Variants in BLM observed in about 807,000 individuals in gnomAD.
BLM encodes the protein recQ-like DNA helicase BLM.
In BLM, 95 loss-of-function variants were observed where a neutral mutation model predicts 135.3. The ratio of observed to expected loss-of-function variants is 0.70; its 90% CI spans 0.59 to 0.83. The LOEUF (loss-of-function observed/expected upper bound fraction) is 0.83, where lower values mean the gene tolerates loss of function less well. Ranked by LOEUF, BLM falls within the 40% of genes least tolerant of loss-of-function variation. The pLI, the probability that BLM is intolerant of heterozygous loss-of-function variation, is 0.00. For synonymous variants in BLM, 520 were observed against 589.2 expected (o/e 0.88, Z 1.70); for missense variants, 1,518 against 1,663.9 (o/e 0.91, Z 1.53).
At chr15:90,732,562 G>A (rs1353478648) in intron 1 of BLM, among the ~76,000 whole-genome samples, 1 of 145,314 alleles carries the variant, frequency 6.9e-6, no homozygotes, top group South Asian at 2.2e-4. Context: ...GAAAATTAAC[G>A]AAATGAAAAC....
At chr15:90,727,387 G>T (rs2151130072) in intron 1 of BLM, among the ~76,000 whole-genome samples, 1 of 152,164 alleles carries the variant, frequency 6.6e-6, no homozygotes, top group East Asian at 1.9e-4. Context: ...ATATTTCATA[G>T]ATATAACTTG....
intron 1 of BLM, among the ~76,000 whole-genome samples, chr15:90,724,150 C>A (rs914246347): frequency 1.3e-5 from 2 of 151,902 alleles, no homozygotes; most frequent in African/African-American, 4.8e-5. Context: ...GAAGGTGAGA[C>A]TACAGGAGTG....
intron 16 of BLM, among the ~76,000 whole-genome samples, chr15:90,796,684 T>A (rs1373764119): frequency 6.6e-6 from 1 of 152,200 alleles, no homozygotes; most frequent in Non-Finnish European, 1.5e-5. Context: ...ATTCGAGCTT[T>A]GTGGCCACGT....
Position 90,764,036 on chromosome 15 carries a change from T to C in BLM, c.2074+879T>C, listed in dbSNP as rs553278794. On this transcript the variant is annotated intron_variant, in intron 8 of 21. Coordinates refer to ENST00000355112, the MANE Select transcript of BLM (RefSeq NM_000057.4). The stretch of plus-strand genomic sequence containing the variant: ...GCTTAATAATCAGCATTTCAATTTT[T>C]ATTAATTTATTAATCACTCTGTGCC... 1.1e-3 allele frequency among the ~76,000 whole-genome samples: 174 copies of C among 152,242 alleles called. 1 individual carries two copies. The highest frequency in any genetic ancestry group is 4.0e-3 in the African/African-American group (166 of 41,562).
At chr15:90,759,960 T>G in intron 5 of BLM, 187 bp from the exon 6 acceptor site, 1 of 448,854 alleles carries the variant, frequency 2.2e-6, no homozygotes, top group Non-Finnish European at 4.0e-6. Flanking sequence ...TTAAGACTTT[T>G]TTTTTTTTTT....
chr15:90,752,734 A>G (rs1222815137), intron 4 of BLM, among the ~76,000 whole-genome samples: 1 of 152,192 alleles, frequency 6.6e-6, no homozygotes, highest in Non-Finnish European at 1.5e-5. Context: ...AACAGCTTAA[A>G]TTGCTAAGTG....
chr15:90,782,408 A>C (rs1896638621), intron 12 of BLM, among the ~76,000 whole-genome samples: 1 of 152,232 alleles, frequency 6.6e-6, no homozygotes, highest in South Asian at 2.1e-4. Context: ...AAAACAAAAC[A>C]AAACAAAAAC....
In BLM at chr15:90,763,016, C is replaced by T. The variant is rs373525781; in HGVS notation, c.1933C>T (p.Gln645Ter). The T allele has an allele frequency of 9.9e-5, 159 of 1,613,318 alleles. No individual in the cohort carries two copies. The highest frequency in any genetic ancestry group is 1.3e-4 in the Non-Finnish European group (156 of 1,179,870). Residue 645 changes from glutamine (Q) to a stop codon, truncating the protein, a stop_gained, in exon 8 of 22, where the codon CAA (glutamine) becomes TAA (stop). Transcript: ENST00000355112. LOFTEE classifies it high-confidence loss of function. Reference protein sequence around the residue: ...ASRNLKHERFQSLSFPHTKEM... With the variant: ...ASRNLKHERF ...CAGAAATCTGAAACATGAGCGTTTCCAAAGTCTTAGTTTTCCTCATACAAA... is the reference window on the plus strand; with the variant it reads ...CAGAAATCTGAAACATGAGCGTTTCTAAAGTCTTAGTTTTCCTCATACAAA...
chr15:90,749,308 A>C, intron 2 of BLM, 59 bp from the exon 3 acceptor site: 1 of 1,299,642 alleles, frequency 7.7e-7, no homozygotes, highest in Non-Finnish European at 1.1e-6. Context: ...TTAGTTTTGT[A>C]GAGTTGGGGG....
At chr15:90,810,687 GT>G (rs1177612042) in intron 20 of BLM, among the ~76,000 whole-genome samples, 1 of 152,156 alleles carries the variant, frequency 6.6e-6, no homozygotes, top group South Asian at 2.1e-4. Context: ...GCAAAGACAA[GT>G]TTTTTTGTCT....
In BLM at chr15:90,734,696, CAGAGAGAGAGAG is replaced by C. The variant is rs60051515; in HGVS notation, c.-4-12667_-4-12656del. On this transcript the variant is annotated intron_variant, in intron 1 of 21. Coordinates refer to ENST00000355112, the MANE Select transcript of BLM (RefSeq NM_000057.4). Reference sequence around the variant, plus strand: ...GCACGCACACACACACACACACACGCAGAGAGAGAGAGAGAGAGAGAGAGAGAGAGAGAGAGA... The same window carrying C: ...GCACGCACACACACACACACACACGCAGAGAGAGAGAGAGAGAGAGAGAGA... 8.4e-3 allele frequency among the ~76,000 whole-genome samples: 1,234 copies of C among 146,196 alleles called. 12 individuals carry two copies. The highest frequency in any genetic ancestry group is 0.029 in the African/African-American group (1,168 of 39,616).
chr15:90,792,948 A>G (rs1425162218), intron 15 of BLM, among the ~76,000 whole-genome samples: 1 of 151,512 alleles, frequency 6.6e-6, no homozygotes, highest in East Asian at 1.9e-4. Flanking sequence ...TATTAAAGCT[A>G]GGCCCAAACA....
chr15:90,757,135 C>T (rs1237038672), intron 5 of BLM, among the ~76,000 whole-genome samples: 1 of 152,180 alleles, frequency 6.6e-6, no homozygotes, highest in East Asian at 1.9e-4. Flanking sequence ...TTAGAGCTCA[C>T]AAAGCAGCTA....
At chr15:90,723,579 G>C (rs1483319611) in intron 1 of BLM, among the ~76,000 whole-genome samples, 1 of 152,054 alleles carries the variant, frequency 6.6e-6, no homozygotes, top group Admixed American at 6.6e-5. Context: ...CTTGAGCTTA[G>C]GAGTCTGAGG....
At chr15:90,757,101 A>G (rs956676533) in intron 5 of BLM, among the ~76,000 whole-genome samples, 3 of 152,216 alleles carry the variant, frequency 2.0e-5, no homozygotes, top group Non-Finnish European at 4.4e-5. Flanking sequence ...AACTTTTGCT[A>G]ACTCTATTAT....
intron 1 of BLM, among the ~76,000 whole-genome samples, chr15:90,743,454 G>A (rs1895421391): frequency 6.6e-6 from 1 of 151,706 alleles, no homozygotes; most frequent in Admixed American, 6.6e-5. Context: ...TTTTAATATT[G>A]TGAAACTTCA....
intron 19 of BLM, among the ~76,000 whole-genome samples, chr15:90,807,639 T>A (rs1288829350): frequency 6.6e-6 from 1 of 152,106 alleles, no homozygotes; most frequent in Admixed American, 6.6e-5. Context: ...GCTGAAGCAA[T>A]CCGCCCTGTC....
intron 1 of BLM, among the ~76,000 whole-genome samples, chr15:90,727,274 A>G (rs1894943779): frequency 1.3e-5 from 2 of 152,100 alleles, no homozygotes; most frequent in Non-Finnish European, 2.9e-5. Flanking sequence ...TCAGCCTCCT[A>G]AAGTGCTAGG....
chr15:90,812,014 T>C lies in BLM; in HGVS notation c.4076+608T>C, dbSNP rs145288264. ...TCCATGTTGATCTTCCCTTAGATAT[T>C]TGTTTGCCTGTTTGGGATGATTGTT... On this transcript the variant is annotated intron_variant, in intron 21 of 21. Coordinates refer to ENST00000355112, the MANE Select transcript of BLM (RefSeq NM_000057.4). Among the ~76,000 whole-genome samples, 1,221 of 152,308 alleles carry C rather than the reference T, an allele frequency of 8.0e-3. 18 individuals carry two copies. Among genetic ancestry groups the C allele is most frequent in the Non-Finnish European group, 0.013 (908 of 68,026 alleles).
Sources: allele counts gnomAD v4.1 joint callset (sites outside exome capture counted in the v4.1 genomes callset), GRCh38; gene constraint gnomAD v4.1.1; transcripts MANE v1.5; gene names NCBI Gene and HGNC (gene_info 2026-07-23, HGNC 2026-07-21).